The following CSMD1 variants were observed in gnomAD, a reference collection of about 807,000 sequenced individuals.
CSMD1 encodes the protein CUB and Sushi multiple domains 1.
CSMD1 carries 213 observed loss-of-function variants against 417.5 expected under a neutral mutation model. The observed-to-expected ratio is 0.51, with a 90% CI of 0.46 to 0.57. The LOEUF (loss-of-function observed/expected upper bound fraction) is 0.57. Among genes scored for constraint, CSMD1 ranks in the 20% least tolerant of loss-of-function variants. The pLI, the probability that CSMD1 is intolerant of heterozygous loss-of-function variation, is 0.00. For synonymous variants in CSMD1, 2,862 were observed against 1,736.8 expected (o/e 1.65, Z -16.11); for missense variants, 6,923 against 4,529.7 (o/e 1.53, Z -15.17).
chr8:4,143,089 A>T (rs1803888922), intron 3 of CSMD1, among the ~76,000 whole-genome samples: 1 of 150,116 alleles, frequency 6.7e-6, no homozygotes, highest in Non-Finnish European at 1.5e-5. Flanking sequence ...GTGACATGAT[A>T]TCTTCATCTA....
At chr8:4,524,306 C>T (rs764883109) in intron 2 of CSMD1, among the ~76,000 whole-genome samples, 1 of 151,142 alleles carries the variant, frequency 6.6e-6, no homozygotes, top group Non-Finnish European at 1.5e-5. Flanking sequence ...TAACAACCTG[C>T]TAGTAAAAAG....
chr8:4,917,867 G>C (rs1443937547), intron 1 of CSMD1, among the ~76,000 whole-genome samples: 2 of 152,274 alleles, frequency 1.3e-5, no homozygotes, highest in South Asian at 2.1e-4. Context: ...TAACATTTGA[G>C]ATGGGCCTGG....
chr8:3,532,892 A>G (rs1563128675), intron 10 of CSMD1, among the ~76,000 whole-genome samples: 1 of 152,332 alleles, frequency 6.6e-6, no homozygotes, highest in Middle Eastern at 3.4e-3. Flanking sequence ...TTTTTAATCA[A>G]TAGTAAATCA....
chr8:3,819,697 C>T (rs1395380715), intron 5 of CSMD1, among the ~76,000 whole-genome samples: 1 of 152,128 alleles, frequency 6.6e-6, no homozygotes, highest in African/African-American at 2.4e-5. Context: ...GGTGATCCTC[C>T]AATCTCAGCC....
At chr8:3,877,094 G>C (rs1805874176) in intron 5 of CSMD1, among the ~76,000 whole-genome samples, 2 of 152,174 alleles carry the variant, frequency 1.3e-5, no homozygotes, top group South Asian at 4.1e-4. Context: ...GGGAGATTCA[G>C]CCTGAAGTAG....
At chr8:4,697,960 T>A (rs952170494) in intron 1 of CSMD1, among the ~76,000 whole-genome samples, 1 of 152,182 alleles carries the variant, frequency 6.6e-6, no homozygotes, top group Non-Finnish European at 1.5e-5. Context: ...CAAATAGTGA[T>A]GCTTAAATGT....
intron 6 of CSMD1, among the ~76,000 whole-genome samples, chr8:3,721,941 C>T (rs560564488): frequency 6.6e-6 from 1 of 152,262 alleles, no homozygotes; most frequent in East Asian, 1.9e-4. Context: ...GCCACAGGTG[C>T]ACCCAAGGCC....
At chr8:4,148,554 G>C (rs1380616612) in intron 3 of CSMD1, among the ~76,000 whole-genome samples, 1 of 152,028 alleles carries the variant, frequency 6.6e-6, no homozygotes, top group East Asian at 1.9e-4. Context: ...TGGAGTTCTG[G>C]AGGCTGAGAC....
At chr8:3,440,559 GA>G (rs1814909924) in intron 12 of CSMD1, among the ~76,000 whole-genome samples, 1 of 152,136 alleles carries the variant, frequency 6.6e-6, no homozygotes, top group Admixed American at 6.6e-5. Context: ...AATTCTTTGG[GA>G]AATTCTATCT....
At chr8:3,198,027 T>C (rs1457724750) in intron 33 of CSMD1, among the ~76,000 whole-genome samples, 2 of 152,216 alleles carry the variant, frequency 1.3e-5, no homozygotes, top group Non-Finnish European at 2.9e-5. Flanking sequence ...TCATATACTC[T>C]TGAGGACAAG....
chr8:3,821,726 G>T (rs1437466588), intron 5 of CSMD1, among the ~76,000 whole-genome samples: 1 of 152,168 alleles, frequency 6.6e-6, no homozygotes, highest in African/African-American at 2.4e-5. Context: ...AGGTTGCAGT[G>T]AGTTGAAATC....
intron 1 of CSMD1, among the ~76,000 whole-genome samples, chr8:4,843,337 C>A (rs376226827): frequency 7.2e-5 from 11 of 152,290 alleles, no homozygotes; most frequent in African/African-American, 2.6e-4. Flanking sequence ...AGGCTCAAAA[C>A]TTAGTATCTT....
intron 37 of CSMD1, among the ~76,000 whole-genome samples, chr8:3,178,948 C>A (rs1356558656): frequency 3.0e-5 from 4 of 135,134 alleles, no homozygotes; most frequent in Non-Finnish European, 6.3e-5. Context: ...ATCTATATTT[C>A]TTTTTTTTTT....
At chr8:4,802,307 T>C (rs1798336151) in intron 1 of CSMD1, among the ~76,000 whole-genome samples, 2 of 152,096 alleles carry the variant, frequency 1.3e-5, no homozygotes, top group South Asian at 4.1e-4. Context: ...TCTTGACCTA[T>C]GACTGGTCCT....
chr8:3,354,960 G>C (rs1022872456), intron 21 of CSMD1, among the ~76,000 whole-genome samples: 1 of 73,014 alleles, frequency 1.4e-5, no homozygotes, highest in Non-Finnish European at 2.6e-5. Flanking sequence ...CAGAGAAAGA[G>C]AGTTTAGTGT....
intron 6 of CSMD1, among the ~76,000 whole-genome samples, chr8:3,726,552 G>C (rs537483200): frequency 8.5e-5 from 13 of 152,172 alleles, no homozygotes; most frequent in Non-Finnish European, 1.6e-4. Flanking sequence ...CAGTGTTTTT[G>C]AATCTTCATG....
chr8:4,858,349 G>T (rs376975068), intron 1 of CSMD1, among the ~76,000 whole-genome samples: 18 of 151,630 alleles, frequency 1.2e-4, no homozygotes, highest in South Asian at 2.1e-4. Flanking sequence ...CTTTGAAAAC[G>T]GGCACAAGAC....
intron 10 of CSMD1, among the ~76,000 whole-genome samples, chr8:3,524,487 ACAC>A (rs1048271169): frequency 2.4e-4 from 37 of 151,978 alleles, no homozygotes; most frequent in Non-Finnish European, 5.1e-4. Flanking sequence ...ACATGTGCAC[ACAC>A]AAGTACACAC....
chr8:4,121,750 T>C (rs1327530226), intron 3 of CSMD1, among the ~76,000 whole-genome samples: 5 of 152,100 alleles, frequency 3.3e-5, no homozygotes, highest in African/African-American at 1.2e-4. Context: ...TAAAACAGCA[T>C]TAATTTGCAC....
Sources: gnomAD v4.1 joint callset for allele counts (sites outside exome capture counted in the v4.1 genomes callset) on GRCh38, gnomAD v4.1.1 for gene constraint, MANE v1.5 for transcripts, NCBI Gene and HGNC (gene_info 2026-07-23, HGNC 2026-07-21) for gene names.